Variants in CACTIN observed in about 807,000 individuals in gnomAD.
CACTIN encodes cactin, spliceosome C complex subunit, also known as splicing factor Cactin.
In CACTIN, 20 loss-of-function variants were observed where a neutral mutation model predicts 84.9. That is an observed-to-expected ratio of 0.24 (90% confidence interval 0.17 to 0.34). CACTIN has a LOEUF of 0.34. CACTIN is among the 10% of genes least tolerant of loss of function. The pLI, the probability that CACTIN is intolerant of heterozygous loss-of-function variation, is 1.00. For synonymous variants in CACTIN, 549 were observed against 467.9 expected, an observed-to-expected ratio of 1.17 and a Z score of -2.24; for missense variants, 897 against 1,117.2, an observed-to-expected ratio of 0.80 and a Z score of 2.81.
At position 3,626,668 on chromosome 19, in the gene CACTIN, T is replaced by A. The variant is rs1273553334; in HGVS notation, c.95A>T (p.His32Leu). 6.5e-7 allele frequency: 1 copy of A among 1,533,792 alleles called. No individual in the cohort carries two copies. Among genetic ancestry groups the A allele is most frequent in the South Asian group, 1.2e-5 (1 of 82,836 alleles). Residue 32 changes from histidine (H) to leucine (L), a missense_variant, in exon 1 of 10, where the codon CAT becomes CTT. Physicochemically the swap from His to Leu is moderately conservative, Grantham distance 99. Transcript: ENST00000429344. ...QSGSRSRSRS[H>L]GRRNRRRRED... is the part of the protein sequence containing the mutation. ...CCGGCGCCGTCGGTTTCGCCGCCCA[T>A]GGCTCCTGCTCCGACTTCGGCTCCC...
Position 3,619,236 on chromosome 19 carries a change from C to A in CACTIN, c.891G>T (p.Lys297Asn), listed in dbSNP as rs771865433. The A allele has an allele frequency of 1.9e-6, 3 of 1,612,940 alleles. No homozygotes were observed. The highest frequency in any genetic ancestry group is 2.2e-5 in the South Asian group (2 of 90,996). Residue 297 changes from lysine (K) to asparagine (N), a missense_variant, in exon 5 of 10, where the codon AAG (lysine) becomes AAT (asparagine). Transcript: ENST00000429344. ...FHLQQAKLRS[K>N]IRIRDGRAKP... is the part of the protein sequence containing the mutation. Reference sequence around the variant, plus strand: ...TGGCCCGCCCGTCCCGGATGCGGATCTTGGAACTGTGGGGAGCAGGGGAAG... The same window carrying A: ...TGGCCCGCCCGTCCCGGATGCGGATATTGGAACTGTGGGGAGCAGGGGAAG...
intron 1 of CACTIN, among the ~76,000 whole-genome samples, chr19:3,626,133 T>A (rs2033327131): frequency 6.6e-6 from 1 of 152,010 alleles, no homozygotes; most frequent in East Asian, 1.9e-4. Flanking sequence ...TCATCTACTG[T>A]CTGGACAATT....
intron 6 of CACTIN, 111 bp from the exon 7 acceptor site, chr19:3,614,700 C>T (rs1350327190): frequency 1.2e-6 from 1 of 831,606 alleles, no homozygotes; most frequent in Non-Finnish European, 1.9e-6. Context: ...CTCCTCTTCC[C>T]CCACAGGGGT....
At chr19:3,612,485 G>A in intron 9 of CACTIN, 72 bp from the exon 10 acceptor site, 1 of 1,479,940 alleles carries the variant, frequency 6.8e-7, no homozygotes, top group South Asian at 1.4e-5. Flanking sequence ...AGCCTCTCTG[G>A]CAGGGGCGGC....
intron 6 of CACTIN, among the ~76,000 whole-genome samples, chr19:3,617,067 G>A (rs1231923264): frequency 5.3e-5 from 8 of 151,974 alleles, no homozygotes; most frequent in Non-Finnish European, 1.0e-4. Context: ...GTCACAGTGA[G>A]CAGAGATCGC....
intron 6 of CACTIN, among the ~76,000 whole-genome samples, chr19:3,617,537 C>T (rs970012443): frequency 3.9e-5 from 6 of 152,016 alleles, no homozygotes; most frequent in Non-Finnish European, 7.4e-5. Context: ...TGGGAGAGGC[C>T]GGGGCCTAGG....
intron 9 of CACTIN, 103 bp downstream of exon 9, chr19:3,612,955 C>T (rs1258897153): frequency 2.2e-6 from 3 of 1,362,024 alleles, no homozygotes; most frequent in Non-Finnish European, 3.0e-6. Flanking sequence ...GCAAGCAGCT[C>T]CCCACTGACG....
At position 3,613,486 on chromosome 19, in the gene CACTIN, C is replaced by T; in HGVS notation, c.1456G>A (p.Glu486Lys). The change falls in exon 8 of 10, where the codon GAG becomes AAG. Residue 486 changes from glutamate (E) to lysine (K), a missense_variant. Glu to Lys is a moderately conservative substitution (Grantham distance 56). Around this residue, in one of 8 missense-constraint regions of CACTIN, gnomAD observed 243 missense variants for 239.9 expected, o/e 1.01. Coordinates refer to ENST00000429344, the MANE Select transcript of CACTIN (RefSeq NM_001080543.2). Reference sequence around the variant, plus strand: ...TACCTGCGGCTGGGGGACTGGGGCTCCTGCTTGAGGATGGGGAACAGCGGC... The same window carrying T: ...TACCTGCGGCTGGGGGACTGGGGCTTCTGCTTGAGGATGGGGAACAGCGGC... ...SEPLFPILKQ[E>K]PQSPSRSLEP... 1.9e-6 allele frequency: 3 copies of T among 1,582,902 alleles called. No individual in the cohort carries two copies. The highest frequency in any genetic ancestry group is 2.6e-6 in the Non-Finnish European group (3 of 1,168,816).
chr19:3,613,681 C>T, intron 7 of CACTIN, 95 bp from the exon 8 acceptor site: 1 of 1,493,064 alleles, frequency 6.7e-7, no homozygotes, highest in Non-Finnish European at 8.9e-7. Flanking sequence ...CTGCAAGGAC[C>T]CTGAGAAGGT....
rs748232301 is a variant in CACTIN, at chr19:3,626,577, G to A, written c.167+19C>T. On this transcript the variant is annotated intron_variant, in intron 1 of 9. Transcript: ENST00000429344. Reference sequence around the variant, plus strand: ...AGGTAGGAGCCGGATCCCCAGCGCTGCTCCCGCAGCGACCCCACCTGCGCT... The same window carrying A: ...AGGTAGGAGCCGGATCCCCAGCGCTACTCCCGCAGCGACCCCACCTGCGCT... 8.0e-5 allele frequency: 113 copies of A among 1,417,838 alleles called. No individual in the cohort carries two copies. The East Asian group carries it at 3.3e-3, about 41-fold the overall frequency. The allele number at this position is 1,417,838 out of a possible 1,614,324, so 87.8% of individuals were successfully genotyped here.
chr19:3,614,270 T>A, intron 7 of CACTIN, 127 bp downstream of exon 7: 1 of 1,008,368 alleles, frequency 9.9e-7, no homozygotes, highest in Non-Finnish European at 1.5e-6. Flanking sequence ...AGTCGGCACT[T>A]TCCTGCCCCT....
chr19:3,621,273 C>A (rs1487329316), intron 2 of CACTIN, among the ~76,000 whole-genome samples: 4 of 152,236 alleles, frequency 2.6e-5, no homozygotes, highest in Admixed American at 2.6e-4. Flanking sequence ...GCTCTGAAAG[C>A]AAACCTGTGG....
At chr19:3,624,948 G>A (rs535733284) in intron 1 of CACTIN, among the ~76,000 whole-genome samples, 1 of 148,918 alleles carries the variant, frequency 6.7e-6, no homozygotes, top group African/African-American at 2.6e-5. Context: ...ACAGGCTGGA[G>A]TGCATGATCA....
chr19:3,611,612 T>A lies in CACTIN; in HGVS notation c.*311A>T, dbSNP rs2032952411. 1 of 420,354 alleles carries A rather than the reference T, an allele frequency of 2.4e-6. No individual in the cohort carries two copies. The highest frequency in any genetic ancestry group is 4.5e-6 in the Non-Finnish European group (1 of 222,810). The allele number at this position is 420,354 out of a possible 1,614,324, so 26.0% of individuals were successfully genotyped here. On this transcript the variant is annotated 3_prime_UTR_variant, in exon 10 of 10. Transcript: ENST00000429344. ...TGAGGGGCGGTGGAGAGTGTCCGCC[T>A]GGACGGTGAGGTCAGCTGGCGGCTG...
At position 3,611,842 on chromosome 19, in the gene CACTIN, C is replaced by A. The variant is rs902797954; in HGVS notation, c.*81G>T. The A allele has an allele frequency of 6.5e-7, 1 of 1,534,940 alleles. No individual in the cohort carries two copies. Among genetic ancestry groups the A allele is most frequent in the Non-Finnish European group, 8.8e-7 (1 of 1,136,142 alleles). On this transcript the variant is annotated 3_prime_UTR_variant, in exon 10 of 10. Transcript: ENST00000429344. Reference sequence around the variant, plus strand: ...ACCCGCGGCCCTGCAGCCCAGACAGCGGCCCCGGAGTGACCACCAGCTTCA... The same window carrying A: ...ACCCGCGGCCCTGCAGCCCAGACAGAGGCCCCGGAGTGACCACCAGCTTCA...
chr19:3,618,278 C>G (rs1252202961), intron 6 of CACTIN, among the ~76,000 whole-genome samples: 4 of 152,098 alleles, frequency 2.6e-5, no homozygotes, highest in Middle Eastern at 3.4e-3. Context: ...TGCTCCTGAC[C>G]CTGGGTGGAG....
rs754802878 is a variant in CACTIN, at chr19:3,620,740, C to T, written c.705G>A (p.Arg235=). 6.2e-7 allele frequency: 1 copy of T among 1,613,426 alleles called. No individual in the cohort carries two copies. The highest frequency in any genetic ancestry group is 2.2e-5 in the East Asian group (1 of 44,878). ...EEKELKERNK[R]IQEDNRLELQ... ...GCTCCAGCCGGTTGTCCTCCTGGAT[C>T]CTCTTGTTCCGCTCCTTCAGCTCCT... The change falls in exon 3 of 10, where the codon AGG becomes AGA. Residue 235 remains arginine, a synonymous_variant. Transcript: ENST00000429344.
chr19:3,620,077 CG>C (rs1568295130), intron 4 of CACTIN, 49 bp downstream of exon 4: 1 of 1,593,918 alleles, frequency 6.3e-7, no homozygotes, highest in South Asian at 1.1e-5. Flanking sequence ...AGCCAGTGCC[CG>C]GCCCTGGCTC....
Position 3,611,921 on chromosome 19 carries a change from C to T in CACTIN, c.*2G>A, listed in dbSNP as rs376978054. Reference sequence around the variant, plus strand: ...ACACCTGCCTGCCGTTCCCCAGGGCCGTCACCGCCGATAGCGGTAGCGCTT... The same window carrying T: ...ACACCTGCCTGCCGTTCCCCAGGGCTGTCACCGCCGATAGCGGTAGCGCTT... On this transcript the variant is annotated 3_prime_UTR_variant, in exon 10 of 10. Coordinates refer to ENST00000429344, the MANE Select transcript of CACTIN (RefSeq NM_001080543.2). 8.7e-6 allele frequency: 14 copies of T among 1,612,224 alleles called. No homozygotes were observed. Among genetic ancestry groups the T allele is most frequent in the Admixed American group, 1.7e-5 (1 of 59,990 alleles).
Sources: gnomAD v4.1 joint callset for allele counts (sites outside exome capture counted in the v4.1 genomes callset) on GRCh38, gnomAD v4.1.1 for gene constraint, gnomAD v4.1.1 regional missense constraint, MANE v1.5 for transcripts, NCBI Gene and HGNC (gene_info 2026-07-23, HGNC 2026-07-21) for gene names.